SLC24A3: variants seen among roughly 807,000 people sequenced by gnomAD.
The protein encoded by SLC24A3 is solute carrier family 24 member 3, also known as sodium/potassium/calcium exchanger 3.
A neutral mutation model predicts 75.8 loss-of-function variants in SLC24A3; 28 were observed. The ratio of observed to expected loss-of-function variants is 0.37; its 90% CI spans 0.27 to 0.51. The LOEUF (loss-of-function observed/expected upper bound fraction) is 0.51, where lower values mean the gene tolerates loss of function less well. Among genes scored for constraint, SLC24A3 ranks in the 20% least tolerant of loss-of-function variants. The pLI is 0.94. For synonymous variants in SLC24A3, 372 were observed against 334.1 expected (o/e 1.11, Z -1.24); for missense variants, 663 against 847.8 (o/e 0.78, Z 2.71).
At chr20:19,551,496 C>G (rs186966188) in intron 3 of SLC24A3, among the ~76,000 whole-genome samples, 6 of 152,252 alleles carry the variant, frequency 3.9e-5, no homozygotes, top group Admixed American at 3.9e-4. Flanking sequence ...TCCCGCCTCC[C>G]CATCCCACAT....
chr20:19,593,820 A>G (rs1180544170), intron 6 of SLC24A3, among the ~76,000 whole-genome samples: 1 of 152,230 alleles, frequency 6.6e-6, no homozygotes, highest in East Asian at 1.9e-4. Flanking sequence ...TCAGTGAGTA[A>G]TCAGAGGGGC....
At chr20:19,669,406 G>C (rs1458498927) in intron 8 of SLC24A3, among the ~76,000 whole-genome samples, 2 of 152,096 alleles carry the variant, frequency 1.3e-5, no homozygotes, top group Non-Finnish European at 2.9e-5. Flanking sequence ...GGAGGCTGAG[G>C]CTGGAGAATA....
chr20:19,291,669 A>G (rs1448542568), intron 2 of SLC24A3, among the ~76,000 whole-genome samples: 1 of 152,262 alleles, frequency 6.6e-6, no homozygotes, highest in Admixed American at 6.5e-5. Context: ...AAGCTGACTC[A>G]GAACAAAATG....
chr20:19,634,054 T>C (rs1469495609), intron 6 of SLC24A3, among the ~76,000 whole-genome samples: 1 of 152,244 alleles, frequency 6.6e-6, no homozygotes, highest in African/African-American at 2.4e-5. Context: ...CTTCCATTTC[T>C]TTTCAAGTTC....
intron 13 of SLC24A3, chr20:19,696,568 A>G: frequency 2.3e-6 from 1 of 433,714 alleles, no homozygotes; most frequent in Non-Finnish European, 4.1e-6. Context: ...TGAAAAGGCC[A>G]ATGTTTTGTT....
intron 6 of SLC24A3, among the ~76,000 whole-genome samples, chr20:19,651,371 T>TTTTATATA (rs386393480): frequency 1.9e-5 from 2 of 105,928 alleles, no homozygotes; most frequent in Admixed American, 1.9e-4. Flanking sequence ...CTGGTTTTTA[T>TTTTATATA]TATATATATA....
intron 9 of SLC24A3, among the ~76,000 whole-genome samples, chr20:19,675,596 C>A (rs1198543984): frequency 1.3e-5 from 2 of 152,300 alleles, no homozygotes; most frequent in African/African-American, 4.8e-5. Context: ...CTGTAGACCC[C>A]ACATCTGGAG....
intron 2 of SLC24A3, among the ~76,000 whole-genome samples, chr20:19,393,111 A>G (rs1483049403): frequency 1.3e-5 from 2 of 152,242 alleles, no homozygotes; most frequent in African/African-American, 4.8e-5. Context: ...TAATCTGATT[A>G]TTAAAAATAT....
At chr20:19,660,021 G>A (rs943221399) in intron 7 of SLC24A3, among the ~76,000 whole-genome samples, 2 of 152,250 alleles carry the variant, frequency 1.3e-5, no homozygotes, top group East Asian at 1.9e-4. Context: ...GTCCATCACC[G>A]GCAGCTGGCT....
chr20:19,479,731 C>A (rs1024668767), intron 2 of SLC24A3, among the ~76,000 whole-genome samples: 3 of 152,220 alleles, frequency 2.0e-5, no homozygotes, highest in African/African-American at 7.2e-5. Context: ...TCCCATCAGT[C>A]ATTGGCTGGA....
chr20:19,639,775 C>G (rs994794154), intron 6 of SLC24A3, among the ~76,000 whole-genome samples: 2 of 152,226 alleles, frequency 1.3e-5, no homozygotes, highest in African/African-American at 2.4e-5. Context: ...AGCCCTGCCC[C>G]GCGGGAAGGC....
chr20:19,356,400 C>T (rs578043029), intron 2 of SLC24A3, among the ~76,000 whole-genome samples: 1 of 152,316 alleles, frequency 6.6e-6, no homozygotes, highest in East Asian at 1.9e-4. Flanking sequence ...TGCCAAGTAT[C>T]AGCTGCATGT....
intron 6 of SLC24A3, among the ~76,000 whole-genome samples, chr20:19,634,266 T>G (rs948340180): frequency 6.6e-6 from 1 of 152,200 alleles, no homozygotes; most frequent in Admixed American, 6.5e-5. Flanking sequence ...TGGCTTTGAT[T>G]TTCACAGACC....
Position 19,647,071 on chromosome 20 carries a change from G to A in SLC24A3, c.613-6991G>A, listed in dbSNP as rs183351357. 1.8e-4 allele frequency among the ~76,000 whole-genome samples: 27 copies of A among 152,150 alleles called. No homozygotes were observed. In the East Asian group the frequency reaches 5.2e-3, roughly 30 times the overall value. On this transcript the variant is annotated intron_variant, in intron 6 of 16. Coordinates refer to ENST00000328041, the MANE Select transcript of SLC24A3 (RefSeq NM_020689.4). ...ATTTTCTGCCCTTGGGGTAGGAGGT[G>A]CCAGAGAATTTACACTCCTAGGTGC...
At chr20:19,504,513 C>T (rs960097481) in intron 2 of SLC24A3, among the ~76,000 whole-genome samples, 2 of 152,174 alleles carry the variant, frequency 1.3e-5, no homozygotes, top group African/African-American at 4.8e-5. Context: ...GTTTTTCATG[C>T]AATCTCATCC....
At chr20:19,511,087 T>C (rs1009195503) in intron 2 of SLC24A3, among the ~76,000 whole-genome samples, 1 of 152,138 alleles carries the variant, frequency 6.6e-6, no homozygotes, top group African/African-American at 2.4e-5. Context: ...TAGACAACTC[T>C]GAGACCTGCT....
chr20:19,311,054 T>TCTTGCCTTCCCTTCCTTTTTTCCTTC (rs1169560442), intron 2 of SLC24A3, among the ~76,000 whole-genome samples: 1 of 151,798 alleles, frequency 6.6e-6, no homozygotes, highest in African/African-American at 2.4e-5. Flanking sequence ...CTTCCTTCCT[T>TCTTGCCTTCCCTTCCTTTTTTCCTTC]CTTGCCTTCC....
At chr20:19,688,307 T>C (rs981344252) in intron 12 of SLC24A3, among the ~76,000 whole-genome samples, 1 of 152,234 alleles carries the variant, frequency 6.6e-6, no homozygotes, top group Non-Finnish European at 1.5e-5. Context: ...CTCAGCAATC[T>C]TCCCAGTTCT....
chr20:19,264,876 T>G (rs529918730), intron 1 of SLC24A3, among the ~76,000 whole-genome samples: 46 of 152,312 alleles, frequency 3.0e-4, no homozygotes, highest in African/African-American at 1.1e-3. Context: ...AATGCATGTC[T>G]GAGCTTCCAG....
Sources: gnomAD v4.1 joint callset for allele counts (sites outside exome capture counted in the v4.1 genomes callset) on GRCh38, gnomAD v4.1.1 for gene constraint, MANE v1.5 for transcripts, NCBI Gene and HGNC (gene_info 2026-07-23, HGNC 2026-07-21) for gene names.